UNC13C: variants seen among roughly 807,000 people sequenced by gnomAD.
The protein encoded by UNC13C is unc-13 homolog C, also known as protein unc-13 homolog C.
In UNC13C, 174 loss-of-function variants were observed where a neutral mutation model predicts 245.4. The ratio of observed to expected loss-of-function variants is 0.71; its 90% CI spans 0.63 to 0.80. The LOEUF (loss-of-function observed/expected upper bound fraction) is 0.80. Ranked by LOEUF, UNC13C falls within the 30% of genes least tolerant of loss-of-function variation. The pLI, the probability that UNC13C is intolerant of heterozygous loss-of-function variation, is 0.00. For missense variants in UNC13C, 2,829 were observed against 2,602.9 expected, an observed-to-expected ratio of 1.09 and a Z score of -1.89; for synonymous variants, 992 against 895.1, an observed-to-expected ratio of 1.11 and a Z score of -1.93.
At chr15:54,180,177 C>T (rs2033751170) in intron 4 of UNC13C, among the ~76,000 whole-genome samples, 1 of 151,988 alleles carries the variant, frequency 6.6e-6, no homozygotes, top group Non-Finnish European at 1.5e-5. Flanking sequence ...CTCTGATAGT[C>T]CCCGGTTTCT....
intron 17 of UNC13C, among the ~76,000 whole-genome samples, chr15:54,361,306 T>C (rs528728207): frequency 6.6e-6 from 1 of 152,282 alleles, no homozygotes; most frequent in South Asian, 2.1e-4. Flanking sequence ...TTCAGTATTC[T>C]TCAATTTTAA....
chr15:54,004,513 T>C (rs1284581732), intron 1 of UNC13C, among the ~76,000 whole-genome samples: 1 of 152,258 alleles, frequency 6.6e-6, no homozygotes, highest in Admixed American at 6.5e-5. Flanking sequence ...TCTTTTCTTT[T>C]GAGTATATAT....
chr15:53,877,607 A>T, the UNC13C span, among the ~76,000 whole-genome samples: 1 of 152,074 alleles, frequency 6.6e-6, no homozygotes, highest in Admixed American at 6.6e-5. Context: ...AGGGAGGAGG[A>T]GGAGGGGTGA....
rs563552674 is a variant in UNC13C at position 54,605,270 on chromosome 15, A to G, written c.6107-17057A>G. Among the ~76,000 whole-genome samples, 62 of 152,326 alleles carry G rather than the reference A, an allele frequency of 4.1e-4. 1 individual carries two copies. In the South Asian group the frequency reaches 0.013, roughly 31 times the overall value. On this transcript the variant is annotated intron_variant, in intron 30 of 32. Transcript: ENST00000260323. ...ACAGCTGAGTTCTAAGAGGGGCCAC[A>G]GTGCCATGTAGAATCACTGAAACTG...
intron 7 of UNC13C, among the ~76,000 whole-genome samples, chr15:54,246,981 G>T (rs2036009457): frequency 6.6e-6 from 1 of 152,000 alleles, no homozygotes; most frequent in Non-Finnish European, 1.5e-5. Context: ...GCTGTCCTTG[G>T]GTCCTAATTC....
intron 30 of UNC13C, among the ~76,000 whole-genome samples, chr15:54,575,037 ATTTG>A (rs777896563): frequency 2.6e-5 from 4 of 151,876 alleles, no homozygotes; most frequent in Admixed American, 2.0e-4. Flanking sequence ...TCATTTATTT[ATTTG>A]TTTATTTATT....
chr15:54,393,563 A>G (rs1054854226), intron 18 of UNC13C, among the ~76,000 whole-genome samples: 23 of 152,018 alleles, frequency 1.5e-4, no homozygotes, highest in Non-Finnish European at 2.7e-4. Context: ...TTTTAATAAT[A>G]AAGATTTGGC....
chr15:54,501,605 G>GA (rs898420812), intron 22 of UNC13C, among the ~76,000 whole-genome samples: 16 of 151,980 alleles, frequency 1.1e-4, no homozygotes, highest in South Asian at 2.1e-4. Context: ...TCAAATCTCA[G>GA]AAAAAATCCA....
chr15:54,493,790 A>G (rs1393207827), intron 19 of UNC13C, among the ~76,000 whole-genome samples: 4 of 152,160 alleles, frequency 2.6e-5, no homozygotes, highest in African/African-American at 4.8e-5. Flanking sequence ...AAAATAGCAT[A>G]GATAAACATT....
At chr15:54,005,556 A>C (rs1384910277) in intron 1 of UNC13C, among the ~76,000 whole-genome samples, 1 of 152,244 alleles carries the variant, frequency 6.6e-6, no homozygotes, top group Non-Finnish European at 1.5e-5. Context: ...CATATAATAG[A>C]CATTAAAAAT....
chr15:54,369,820 T>C (rs991870994), intron 17 of UNC13C, among the ~76,000 whole-genome samples: 7 of 152,164 alleles, frequency 4.6e-5, no homozygotes, highest in Admixed American at 1.3e-4. Flanking sequence ...CAAAAGGGTA[T>C]GTGGGCCTGT....
chr15:53,922,166 G>T, the UNC13C span, among the ~76,000 whole-genome samples: 2 of 152,180 alleles, frequency 1.3e-5, no homozygotes, highest in Non-Finnish European at 2.9e-5. Flanking sequence ...GGGTTTGCGA[G>T]CTGTGTTCAA....
At chr15:54,346,587 A>G (rs1246330644) in intron 17 of UNC13C, among the ~76,000 whole-genome samples, 1 of 152,254 alleles carries the variant, frequency 6.6e-6, no homozygotes, top group African/African-American at 2.4e-5. Flanking sequence ...CCATATAAAA[A>G]TAAAATGCTT....
At chr15:54,245,902 G>T (rs1392205388) in intron 7 of UNC13C, among the ~76,000 whole-genome samples, 2 of 152,022 alleles carry the variant, frequency 1.3e-5, no homozygotes, top group East Asian at 3.9e-4. Flanking sequence ...TCCTCCACAG[G>T]ATGAGGAGGG....
intron 30 of UNC13C, among the ~76,000 whole-genome samples, chr15:54,591,939 A>T (rs1216391416): frequency 6.6e-6 from 1 of 151,916 alleles, no homozygotes; most frequent in Admixed American, 6.6e-5. Flanking sequence ...AGGGTTATGA[A>T]CTTTCCTGTT....
intron 17 of UNC13C, among the ~76,000 whole-genome samples, chr15:54,390,596 G>T (rs1213605855): frequency 6.6e-6 from 1 of 151,782 alleles, no homozygotes; most frequent in Admixed American, 6.6e-5. Flanking sequence ...GCTATTAAAT[G>T]ATTTATAATT....
At chr15:53,902,478 T>C in the UNC13C span, among the ~76,000 whole-genome samples, 2 of 152,106 alleles carry the variant, frequency 1.3e-5, no homozygotes, top group East Asian at 3.9e-4. Context: ...TTAACATAAA[T>C]AGTTTAAAGC....
chr15:54,307,877 C>T (rs12443310), intron 13 of UNC13C, among the ~76,000 whole-genome samples: 12,490 of 151,786 alleles, frequency 0.082, 573 homozygotes, highest in East Asian at 0.17. Flanking sequence ...TCTTTAGTGA[C>T]GAGAATGAAT....
At chr15:54,047,449 G>A (rs750795911) in intron 2 of UNC13C, among the ~76,000 whole-genome samples, 1 of 151,874 alleles carries the variant, frequency 6.6e-6, no homozygotes, top group Non-Finnish European at 1.5e-5. Context: ...GGTAAACACT[G>A]TTCTCCTTTC....
Sources: allele counts gnomAD v4.1 joint callset (sites outside exome capture counted in the v4.1 genomes callset), GRCh38; gene constraint gnomAD v4.1.1; transcripts MANE v1.5; gene names NCBI Gene and HGNC (gene_info 2026-07-23, HGNC 2026-07-21).